Variants in LATS2 observed in about 807,000 individuals in gnomAD.
The protein encoded by LATS2 is serine/threonine-protein kinase LATS2.
A neutral mutation model predicts 76.0 loss-of-function variants in LATS2; 24 were observed. That is an observed-to-expected ratio of 0.32 (90% CI 0.23 to 0.44). The LOEUF is 0.44. LATS2 is among the 20% of genes least tolerant of loss of function. The probability of loss-of-function intolerance (pLI) is 1.00; values close to 1 mark genes in which losing one functional copy is unlikely to be tolerated. For missense variants in LATS2, 1,286 were observed against 1,481.2 expected (o/e 0.87, Z 2.16); for synonymous variants, 692 against 635.4 (o/e 1.09, Z -1.34).
chr13:21,008,981 T>G, intron 2 of LATS2, among the ~76,000 whole-genome samples: 1 of 152,154 alleles, frequency 6.6e-6, no homozygotes, highest in Non-Finnish European at 1.5e-5. Flanking sequence ...AAAAGCACGT[T>G]GCAAAATCAC....
intron 2 of LATS2, chr13:21,022,941 T>C (rs1235601226): frequency 4.6e-5 from 7 of 152,268 alleles, no homozygotes; most frequent in Non-Finnish European, 7.3e-5. Context: ...ACTCCCCTTC[T>C]TCACTCTCCA....
At position 20,979,624 on chromosome 13, in the gene LATS2, A is replaced by G. The variant is rs142843444; in HGVS notation, c.2772+67T>C. ...GAATAAGAGGGCAAATGCTGACCAA[A>G]GATTCATGGGTACATGAGCAAATCA... On this transcript the variant is annotated intron_variant, in intron 7 of 7. Transcript: ENST00000382592. The G allele has an allele frequency of 2.2e-4, 178 of 812,092 alleles. 3 individuals carry two copies. In the African/African-American group the frequency reaches 2.5e-3, roughly 11 times the overall value. The allele number at this position is 812,092 out of a possible 1,614,324, so 50.3% of individuals were successfully genotyped here. A position where few individuals can be genotyped will look rare whatever the true frequency, so the allele number is the denominator to read the frequency against.
At position 20,988,388 on chromosome 13, in the gene LATS2, G is replaced by A; in HGVS notation, c.1392C>T (p.Ala464=). The A allele has an allele frequency of 1.5e-6, 2 of 1,377,750 alleles. No homozygotes were observed. Among genetic ancestry groups the A allele is most frequent in the Non-Finnish European group, 1.9e-6 (2 of 1,075,742 alleles). The allele number at this position is 1,377,750 out of a possible 1,614,324, so 85.3% of individuals were successfully genotyped here. A position where few individuals can be genotyped will look rare whatever the true frequency, so the allele number is the denominator to read the frequency against. Reference sequence around the variant, plus strand: ...GGGCCGGGGCAGGCGCGGGCACCCAGGCGGGGTGCGAGGGCCCCACAGCCG... The same window carrying A: ...GGGCCGGGGCAGGCGCGGGCACCCAAGCGGGGTGCGAGGGCCCCACAGCCG... The part of the protein sequence containing the change: ...PQTAVGPSHP[A]WVPAPAPAPA... Residue 464 remains alanine (A), a synonymous_variant, in exon 4 of 8, where the codon GCC becomes GCT. Transcript: ENST00000382592.
chr13:21,008,488 C>T (rs530213928), intron 2 of LATS2, among the ~76,000 whole-genome samples: 3 of 152,186 alleles, frequency 2.0e-5, no homozygotes, highest in Admixed American at 1.3e-4. Context: ...TTCACCAAAC[C>T]AGGAGACTGG....
At position 20,983,782 on chromosome 13, in the gene LATS2, C is replaced by T; in HGVS notation, c.1924G>A (p.Glu642Lys). 2 of 1,612,720 alleles carry T rather than the reference C, an allele frequency of 1.2e-6. No individual in the cohort carries two copies. The highest frequency in any genetic ancestry group is 1.7e-6 in the Non-Finnish European group (2 of 1,179,896). The change falls in exon 5 of 8, where the codon GAG (glutamate) becomes AAG (lysine). Residue 642 changes from glutamate to lysine, a missense_variant. This residue lies in a region of LATS2 where 247 missense variants were observed against 385.4 expected (regional missense o/e 0.64). Transcript: ENST00000382592. The stretch of plus-strand genomic sequence containing the variant: ...TGGTAGAGGATCTTCCGCATCTGCT[C>T]CTGCTCAGCTTCACAGAGTCCAGCC... ...AKAGLCEAEQ[E>K]QMRKILYQKE...
intron 1 of LATS2, among the ~76,000 whole-genome samples, chr13:21,047,152 C>A (rs1041401570): frequency 2.0e-5 from 3 of 152,326 alleles, no homozygotes; most frequent in African/African-American, 7.2e-5. Flanking sequence ...CTCTGCTGTT[C>A]TTTGATTCAG....
intron 2 of LATS2, among the ~76,000 whole-genome samples, chr13:21,019,037 C>T (rs750813337): frequency 1.1e-4 from 16 of 152,090 alleles, no homozygotes; most frequent in Non-Finnish European, 1.3e-4. Flanking sequence ...TAGCTCTGTA[C>T]GTGGGAACCA....
chr13:21,008,346 G>T (rs1871440915), intron 2 of LATS2, among the ~76,000 whole-genome samples: 1 of 152,064 alleles, frequency 6.6e-6, no homozygotes. Flanking sequence ...GGTGGGGTGG[G>T]GTCTCCTCAG....
rs763870231 is a variant in LATS2, at chr13:20,988,847, G to A, written c.933C>T (p.Leu311=). ...GCTTGTGGTGTGGGTGCGGCACGTA[G>A]AGCCCGGCGGCAGGGGGTGGGAAAG... is the stretch of plus-strand genomic sequence containing the variant. ...GLAFPPPAAG[L]YVPHPHHKQA... The change falls in exon 4 of 8, where the codon CTC becomes CTT. Residue 311 remains leucine (L), a synonymous_variant. Transcript: ENST00000382592. 12 of 1,591,724 alleles carry A rather than the reference G, an allele frequency of 7.5e-6. No homozygotes were observed. Among genetic ancestry groups the A allele is most frequent in the Admixed American group, 3.4e-5 (2 of 58,708 alleles).
At chr13:21,043,809 GTTTC>G (rs1333780507) in intron 2 of LATS2, among the ~76,000 whole-genome samples, 4 of 152,114 alleles carry the variant, frequency 2.6e-5, no homozygotes, top group African/African-American at 9.7e-5. Context: ...TGCTTGACTT[GTTTC>G]TTTTTCTCAC....
At chr13:21,026,121 A>AAAG (rs1217724928) in intron 2 of LATS2, among the ~76,000 whole-genome samples, 1 of 152,170 alleles carries the variant, frequency 6.6e-6, no homozygotes. Flanking sequence ...TAGGCATAAG[A>AAAG]AAGAAGAGAA....
intron 2 of LATS2, among the ~76,000 whole-genome samples, chr13:20,999,518 G>A (rs1870944841): frequency 1.1e-4 from 16 of 152,008 alleles, no homozygotes; most frequent in Admixed American, 1.0e-3. Context: ...ACCCATGCTG[G>A]AGTACAGTGG....
intron 2 of LATS2, among the ~76,000 whole-genome samples, chr13:21,040,827 G>C (rs962088617): frequency 6.6e-6 from 1 of 152,134 alleles, no homozygotes; most frequent in African/African-American, 2.4e-5. Context: ...CCACAGACAT[G>C]AGGGAAAGGA....
chr13:21,008,580 A>T (rs139939465), intron 2 of LATS2, among the ~76,000 whole-genome samples: 1 of 152,286 alleles, frequency 6.6e-6, no homozygotes, highest in East Asian at 1.9e-4. Flanking sequence ...TTCAAAACTT[A>T]AATAGTCACA....
chr13:21,039,434 TAGG>T (rs1422633332), intron 2 of LATS2, among the ~76,000 whole-genome samples: 2 of 152,242 alleles, frequency 1.3e-5, no homozygotes, highest in Non-Finnish European at 2.9e-5. Context: ...GACAAAGGGC[TAGG>T]AGATTAGTGT....
chr13:20,991,862 G>T lies in LATS2; in HGVS notation c.343-458C>A, dbSNP rs1255667593. Among the ~76,000 whole-genome samples, 1 of 152,176 alleles carries T rather than the reference G, an allele frequency of 6.6e-6. No homozygotes were observed. The highest frequency in any genetic ancestry group is 2.4e-5 in the African/African-American group (1 of 41,428). On this transcript the variant is annotated intron_variant, in intron 2 of 7. Transcript: ENST00000382592. This position sits in a 1 kb window ranked among gnomAD's most constrained non-coding sequence, Gnocchi z 4.9. ...TCCCCAGGGAGAGGGTGCAGCTGCC[G>T]AAGAGTCATATATTACACGCCTACT... is the stretch of plus-strand genomic sequence containing the variant.
intron 2 of LATS2, chr13:21,038,682 A>T (rs928940475): frequency 2.6e-5 from 4 of 152,202 alleles, no homozygotes; most frequent in African/African-American, 9.7e-5. Flanking sequence ...CTATTTTTGT[A>T]ATTAGAAAAA....
intron 3 of LATS2, among the ~76,000 whole-genome samples, chr13:20,990,313 A>G (rs1870449865): frequency 6.8e-6 from 1 of 146,402 alleles, no homozygotes; most frequent in Non-Finnish European, 1.5e-5. Context: ...TATTTAAGGA[A>G]GTTCCTTCTC....
In LATS2 at chr13:20,981,471, C is replaced by T. The variant is rs756027275; in HGVS notation, c.2660G>A (p.Arg887His). ...GCTGGCCATGGCGCATGTACCTTTG[C>T]GGAGGAGCACCTCGGGTGCGATGTA... ...PNYIAPEVLL[R>H]KGYTQLCDWW... The change falls in exon 6 of 8, where the codon CGC (arginine) becomes CAC (histidine). Residue 887 changes from arginine to histidine, a missense_variant. Physicochemically the swap from Arg to His is conservative, Grantham distance 29 (BLOSUM62 0). Around this residue, in one of 5 missense-constraint regions of LATS2, gnomAD observed 247 missense variants for 385.4 expected, o/e 0.64. Transcript: ENST00000382592. The T allele has an allele frequency of 5.7e-5, 92 of 1,612,628 alleles. No homozygotes were observed. The South Asian group carries it at 8.3e-4, about 14-fold the overall frequency.
Sources: gnomAD v4.1 joint callset for allele counts (sites outside exome capture counted in the v4.1 genomes callset) on GRCh38, gnomAD v4.1.1 for gene constraint, gnomAD v4.1.1 regional missense constraint, Gnocchi (gnomAD v3.1) non-coding constraint, MANE v1.5 for transcripts, NCBI Gene and HGNC (gene_info 2026-07-23, HGNC 2026-07-21) for gene names.